SETBP1: variants seen among roughly 807,000 people sequenced by gnomAD.
SETBP1 encodes SET-binding protein.
SETBP1 carries 9 observed loss-of-function variants against 101.0 expected under a neutral mutation model. That is an observed-to-expected ratio of 0.09 (90% confidence interval 0.05 to 0.16). The LOEUF (loss-of-function observed/expected upper bound fraction) is 0.16, where lower values mean the gene tolerates loss of function less well. Ranked by LOEUF, SETBP1 falls within the 10% of genes least tolerant of loss-of-function variation. SETBP1 has a pLI of 1.00. For synonymous variants in SETBP1, 818 were observed against 788.5 expected, an observed-to-expected ratio of 1.04 and a Z score of -0.63; for missense variants, 1,858 against 2,033.8, an observed-to-expected ratio of 0.91 and a Z score of 1.66.
chr18:44,820,742 C>T (rs760162395), intron 2 of SETBP1, among the ~76,000 whole-genome samples: 4 of 152,164 alleles, frequency 2.6e-5, no homozygotes, highest in Non-Finnish European at 5.9e-5. Flanking sequence ...TGATCACTTA[C>T]GGTGGAAATA....
intron 1 of SETBP1, among the ~76,000 whole-genome samples, chr18:44,695,510 A>G (rs1598999097): frequency 6.6e-6 from 1 of 152,278 alleles, no homozygotes; most frequent in East Asian, 1.9e-4. Context: ...GCTGAAAGAC[A>G]TGCTACAAAA....
chr18:44,925,007 GTTT>G (rs60718477), intron 3 of SETBP1, among the ~76,000 whole-genome samples: 13 of 45,988 alleles, frequency 2.8e-4, no homozygotes, highest in Middle Eastern at 0.014. Context: ...TCCTGTGTGA[GTTT>G]TTTTTTTTTT....
At chr18:44,974,299 G>A (rs931082939) in intron 4 of SETBP1, among the ~76,000 whole-genome samples, 8 of 152,188 alleles carry the variant, frequency 5.3e-5, no homozygotes, top group African/African-American at 1.9e-4. Context: ...AGGGAAGAGG[G>A]AAGCAGGAAG....
At chr18:44,744,218 G>A (rs1599063155) in intron 2 of SETBP1, among the ~76,000 whole-genome samples, 1 of 152,236 alleles carries the variant, frequency 6.6e-6, no homozygotes, top group African/African-American at 2.4e-5. Flanking sequence ...GAAGAGACCA[G>A]AAGCCTTAAC....
intron 2 of SETBP1, among the ~76,000 whole-genome samples, chr18:44,862,656 C>G (rs903711786): frequency 6.6e-6 from 1 of 152,194 alleles, no homozygotes; most frequent in East Asian, 1.9e-4. Context: ...GGCCATCTGT[C>G]CAAATTCCTG....
intron 2 of SETBP1, among the ~76,000 whole-genome samples, chr18:44,809,777 CCAAATTATAT>C (rs2071821068): frequency 6.6e-6 from 1 of 152,120 alleles, no homozygotes; most frequent in Admixed American, 6.6e-5. Flanking sequence ...GGAGATCCAT[CCAAATTATAT>C]ATGAGAAGCT....
chr18:44,970,307 A>G (rs890739338), intron 4 of SETBP1: 3 of 154,450 alleles, frequency 1.9e-5, no homozygotes, highest in African/African-American at 7.2e-5. Flanking sequence ...TTGCAAATCC[A>G]AAATAGAGAT....
At chr18:44,807,124 A>G (rs1428225335) in intron 2 of SETBP1, among the ~76,000 whole-genome samples, 1 of 152,128 alleles carries the variant, frequency 6.6e-6, no homozygotes, top group African/African-American at 2.4e-5. Flanking sequence ...TTTCTGTGGC[A>G]ATCATTTTGC....
chr18:44,733,169 T>C (rs1436122582), intron 2 of SETBP1: 1 of 152,178 alleles, frequency 6.6e-6, no homozygotes, highest in Non-Finnish European at 1.5e-5. Context: ...GTGGTCTGAG[T>C]GATGTCCTCT....
At chr18:44,910,363 T>C (rs1159162787) in intron 3 of SETBP1, among the ~76,000 whole-genome samples, 3 of 152,210 alleles carry the variant, frequency 2.0e-5, no homozygotes, top group Non-Finnish European at 2.9e-5. Context: ...TTTAGCATTT[T>C]TCCTTACCTC....
Position 44,952,835 on chromosome 18 carries a change from G to A in SETBP1, c.3495G>A (p.Gly1165=). ...AGCACAAGGAAGACCGGATCCTAGG[G>A]ACCCATGACAACCTGAGTGGTCTTT... ...KHKHKEDRIL[G]THDNLSGLFA... The change falls in exon 4 of 6, where the codon GGG becomes GGA. Residue 1165 remains glycine (G), a synonymous_variant. Transcript: ENST00000649279. 2 of 1,614,108 alleles carry A rather than the reference G, an allele frequency of 1.2e-6. No individual in the cohort carries two copies. The highest frequency in any genetic ancestry group is 2.2e-5 in the South Asian group (2 of 91,078).
intron 2 of SETBP1, among the ~76,000 whole-genome samples, chr18:44,832,666 C>T (rs1170549531): frequency 6.6e-6 from 1 of 152,212 alleles, no homozygotes; most frequent in East Asian, 1.9e-4. Context: ...CTCATCTCTT[C>T]CTGCCCCTCT....
intron 2 of SETBP1, among the ~76,000 whole-genome samples, chr18:44,834,996 A>C (rs1020775014): frequency 6.6e-6 from 1 of 152,202 alleles, no homozygotes. Context: ...TGGGACAGAC[A>C]GGCGACTAGG....
At chr18:44,954,157 G>T (rs1223022205) in intron 4 of SETBP1, among the ~76,000 whole-genome samples, 1 of 152,030 alleles carries the variant, frequency 6.6e-6, no homozygotes, top group Non-Finnish European at 1.5e-5. Flanking sequence ...GAATTCCCTT[G>T]CCAACCTCCC....
chr18:44,790,403 G>T (rs1246289532), intron 2 of SETBP1, among the ~76,000 whole-genome samples: 1 of 152,142 alleles, frequency 6.6e-6, no homozygotes. Context: ...CTGAGCAGAA[G>T]GTATTTATTA....
intron 2 of SETBP1, among the ~76,000 whole-genome samples, chr18:44,839,158 C>T (rs926647015): frequency 5.9e-5 from 9 of 151,958 alleles, no homozygotes; most frequent in African/African-American, 2.2e-4. Context: ...ACCTGGGAAG[C>T]ACTGCTTCTG....
intron 2 of SETBP1, among the ~76,000 whole-genome samples, chr18:44,789,817 A>ATTT (rs2071332192): frequency 6.6e-6 from 1 of 152,138 alleles, no homozygotes; most frequent in African/African-American, 2.4e-5. Flanking sequence ...ATTTAGCAAA[A>ATTT]CCAACCATGA....
At chr18:44,701,905 G>C (rs1156329201) in intron 2 of SETBP1, 73 bp downstream of exon 2, 7 of 1,514,422 alleles carry the variant, frequency 4.6e-6, no homozygotes, top group Non-Finnish European at 5.4e-6. Flanking sequence ...ACTTCTTAGG[G>C]TCTATTTATA....
intron 2 of SETBP1, among the ~76,000 whole-genome samples, chr18:44,813,411 A>G (rs141493874): frequency 2.6e-5 from 4 of 152,314 alleles, no homozygotes; most frequent in Non-Finnish European, 5.9e-5. Context: ...CTGGAAAGAA[A>G]GAAGCCAATA....
Sources: gnomAD v4.1 joint callset for allele counts (sites outside exome capture counted in the v4.1 genomes callset) on GRCh38, gnomAD v4.1.1 for gene constraint, MANE v1.5 for transcripts, NCBI Gene and HGNC (gene_info 2026-07-23, HGNC 2026-07-21) for gene names.